The following RBFOX1 variants were observed in gnomAD, a reference collection of about 807,000 sequenced individuals.
RBFOX1 encodes RNA binding fox-1 homolog 1, also known as RNA binding protein fox-1 homolog 1.
A neutral mutation model predicts 57.7 loss-of-function variants in RBFOX1; 8 were observed. The observed-to-expected ratio is 0.14, with a 90% confidence interval of 0.08 to 0.25. The LOEUF is 0.25. Ranked by LOEUF, RBFOX1 falls within the 10% of genes least tolerant of loss-of-function variation. The pLI is 1.00. For synonymous variants in RBFOX1, 326 were observed against 222.4 expected, an observed-to-expected ratio of 1.47 and a Z score of -4.15; for missense variants, 611 against 548.5, an observed-to-expected ratio of 1.11 and a Z score of -1.14.
chr16:6,641,840 C>A (rs2098493187), intron 2 of RBFOX1, among the ~76,000 whole-genome samples: 1 of 150,356 alleles, frequency 6.7e-6, no homozygotes, highest in Non-Finnish European at 1.5e-5. Context: ...TCCCTCCTCG[C>A]TAACGTGTTT....
At chr16:6,212,146 C>G (rs1468597045) in intron 1 of RBFOX1, among the ~76,000 whole-genome samples, 1 of 152,106 alleles carries the variant, frequency 6.6e-6, no homozygotes, top group African/African-American at 2.4e-5. Context: ...GTATGAGCCA[C>G]TGTCCTCGGC....
intron 3 of RBFOX1, among the ~76,000 whole-genome samples, chr16:5,866,763 A>G (rs2057352475): frequency 6.6e-6 from 1 of 152,244 alleles, no homozygotes; most frequent in African/African-American, 2.4e-5. Context: ...CATAAAAGTT[A>G]TTCAAGGGTT....
intron 3 of RBFOX1, among the ~76,000 whole-genome samples, chr16:7,039,387 A>G (rs1433064574): frequency 6.6e-6 from 1 of 152,196 alleles, no homozygotes; most frequent in Non-Finnish European, 1.5e-5. Context: ...TTAAGAGGAA[A>G]ACATCGTGGG....
At chr16:6,250,807 G>T (rs537999295) in intron 1 of RBFOX1, among the ~76,000 whole-genome samples, 1 of 152,224 alleles carries the variant, frequency 6.6e-6, no homozygotes, top group South Asian at 2.1e-4. Flanking sequence ...CCCCCAAATG[G>T]CAGACATAGT....
intron 1 of RBFOX1, among the ~76,000 whole-genome samples, chr16:6,260,197 T>C (rs2097693365): frequency 6.6e-6 from 1 of 152,188 alleles, no homozygotes; most frequent in African/African-American, 2.4e-5. Flanking sequence ...GTACTTTACA[T>C]GCAGCCTGTG....
chr16:5,650,264 T>C (rs1178089471), intron 3 of RBFOX1, among the ~76,000 whole-genome samples: 1 of 151,972 alleles, frequency 6.6e-6, no homozygotes, highest in Non-Finnish European at 1.5e-5. Context: ...CCTCGGGAGA[T>C]GTGAAGTGCC....
intron 2 of RBFOX1, among the ~76,000 whole-genome samples, chr16:6,508,413 CTTAAGAATTG>C (rs1567492327): frequency 6.6e-6 from 1 of 152,066 alleles, no homozygotes; most frequent in Non-Finnish European, 1.5e-5. Context: ...GAACTGTACA[CTTAAGAATTG>C]TTAAGATTAT....
chr16:5,484,614 C>G (rs1837867631), intron 2 of RBFOX1, among the ~76,000 whole-genome samples: 1 of 152,044 alleles, frequency 6.6e-6, no homozygotes, highest in African/African-American at 2.4e-5. Context: ...CTTGTCTGTA[C>G]AAAAAATTTT....
intron 3 of RBFOX1, among the ~76,000 whole-genome samples, chr16:6,901,717 C>G (rs572853181): frequency 2.0e-5 from 3 of 152,234 alleles, no homozygotes; most frequent in African/African-American, 4.8e-5. Context: ...CATGGAAGCT[C>G]ATTTGCTTAT....
At chr16:6,975,329 A>T (rs76227129) in intron 3 of RBFOX1, among the ~76,000 whole-genome samples, 1 of 152,042 alleles carries the variant, frequency 6.6e-6, no homozygotes, top group African/African-American at 2.4e-5. Context: ...GCAGTGGCAC[A>T]ATATCAGCTC....
chr16:5,966,610 C>G (rs1002676976), intron 4 of RBFOX1, among the ~76,000 whole-genome samples: 2 of 152,212 alleles, frequency 1.3e-5, no homozygotes, highest in African/African-American at 4.8e-5. Context: ...CCTTCCACCA[C>G]AGCCAGCTAA....
chr16:5,749,791 C>G (rs1033064401), intron 3 of RBFOX1, among the ~76,000 whole-genome samples: 28 of 152,074 alleles, frequency 1.8e-4, no homozygotes, highest in African/African-American at 6.3e-4. Flanking sequence ...AGGTTTTTAG[C>G]TTCTTTGCGA....
At chr16:6,277,161 A>G (rs1203523319) in intron 1 of RBFOX1, among the ~76,000 whole-genome samples, 1 of 152,154 alleles carries the variant, frequency 6.6e-6, no homozygotes, top group Non-Finnish European at 1.5e-5. Context: ...AAATTGCATT[A>G]TTAAAAAGTC....
intron 2 of RBFOX1, among the ~76,000 whole-genome samples, chr16:6,642,695 T>C (rs2098502225): frequency 6.6e-6 from 1 of 152,150 alleles, no homozygotes; most frequent in South Asian, 2.1e-4. Flanking sequence ...ATGAAAAGCC[T>C]GCTGTCTTTA....
At chr16:5,696,322 G>T (rs1269469556) in intron 3 of RBFOX1, among the ~76,000 whole-genome samples, 1 of 152,162 alleles carries the variant, frequency 6.6e-6, no homozygotes, top group Non-Finnish European at 1.5e-5. Flanking sequence ...ATGCATCTGG[G>T]TTTTCACATG....
intron 4 of RBFOX1, among the ~76,000 whole-genome samples, chr16:5,993,399 CAGAG>C (rs61066524): frequency 0.022 from 1,573 of 70,224 alleles, 18 homozygotes; most frequent in Middle Eastern, 0.048. Context: ...GAGAGAGAGA[CAGAG>C]AGAGAGAGAG....
chr16:5,613,547 A>C (rs1444785100), intron 3 of RBFOX1, among the ~76,000 whole-genome samples: 3 of 152,148 alleles, frequency 2.0e-5, no homozygotes, highest in African/African-American at 4.8e-5. Context: ...CTCCAAGTGA[A>C]ATTTTCCTTT....
At chr16:6,128,420 C>G (rs991085777) in intron 1 of RBFOX1, among the ~76,000 whole-genome samples, 2 of 152,156 alleles carry the variant, frequency 1.3e-5, no homozygotes, top group African/African-American at 2.4e-5. Flanking sequence ...TAAGGCTACT[C>G]TTTTTAAGCA....
chr16:5,540,161 G>C (rs1355053017), intron 2 of RBFOX1, among the ~76,000 whole-genome samples: 2 of 152,162 alleles, frequency 1.3e-5, no homozygotes, highest in Non-Finnish European at 2.9e-5. Flanking sequence ...AAAATCAAAA[G>C]GATCTGGGGT....
Sources: allele counts gnomAD v4.1 joint callset (sites outside exome capture counted in the v4.1 genomes callset), GRCh38; gene constraint gnomAD v4.1.1; transcripts MANE v1.5; gene names NCBI Gene and HGNC (gene_info 2026-07-23, HGNC 2026-07-21).